ABCB1: variants seen among roughly 807,000 people sequenced by gnomAD.
ABCB1 encodes the protein ATP binding cassette subfamily B member 1.
In ABCB1, 69 loss-of-function variants were observed where a neutral mutation model predicts 142.0. That is an observed-to-expected ratio of 0.49 (90% CI 0.40 to 0.59). ABCB1 has a LOEUF of 0.59. ABCB1 is among the 20% of genes least tolerant of loss of function. ABCB1 has a pLI of 0.00. For synonymous variants in ABCB1, 532 were observed against 539.2 expected, an observed-to-expected ratio of 0.99 and a Z score of 0.18; for missense variants, 1,326 against 1,554.7, an observed-to-expected ratio of 0.85 and a Z score of 2.47.
intron 1 of ABCB1, among the ~76,000 whole-genome samples, chr7:87,655,635 A>T: frequency 6.6e-6 from 1 of 152,154 alleles, no homozygotes; most frequent in East Asian, 1.9e-4. Flanking sequence ...AGTTCAAGAG[A>T]TCTATTGTAC....
Position 87,620,099 on chromosome 7 carries a change from A to G in ABCB1, c.-330-19021T>C, listed in dbSNP as rs566821581. On this transcript the variant is annotated intron_variant, in intron 1 of 28. Transcript: ENST00000265724. The stretch of plus-strand genomic sequence containing the variant: ...AAATCAAAACAAGATTTTTCTTGAC[A>G]TCATAGCTGAAAATCCTGTTTAGAC... Among the ~76,000 whole-genome samples, 6 of 152,282 alleles carry G rather than the reference A, an allele frequency of 3.9e-5. No individual in the cohort carries two copies. The South Asian group carries it at 8.3e-4, about 21-fold the overall frequency.
At chr7:87,707,971 G>T (rs908484809) in intron 1 of ABCB1, among the ~76,000 whole-genome samples, 7 of 151,952 alleles carry the variant, frequency 4.6e-5, no homozygotes, top group Non-Finnish European at 8.8e-5. Flanking sequence ...AAAAATATTT[G>T]GAAAGTACTG....
intron 1 of ABCB1, among the ~76,000 whole-genome samples, chr7:87,637,092 A>G (rs374240210): frequency 3.9e-5 from 6 of 152,176 alleles, no homozygotes; most frequent in East Asian, 1.9e-4. Flanking sequence ...CCATGATTCA[A>G]TTACCTCCCA....
Position 87,566,127 on chromosome 7 carries a change from G to A in ABCB1, c.645C>T (p.Thr215=). The A allele has an allele frequency of 6.2e-7, 1 of 1,614,092 alleles. No individual in the cohort carries two copies. Among genetic ancestry groups the A allele is most frequent in the East Asian group, 2.2e-5 (1 of 44,870 alleles). Reference sequence around the variant, plus strand: ...CAGGACTGATGGCCAAAATCACAAGGGTTAGCTTCCAACCACGTGTAAATC... The same window carrying A: ...CAGGACTGATGGCCAAAATCACAAGAGTTAGCTTCCAACCACGTGTAAATC... ...IVGFTRGWKL[T]LVILAISPVL... Residue 215 remains threonine (T), a synonymous_variant, in exon 7 of 28, where the codon ACC becomes ACT. Transcript: ENST00000622132.
At chr7:87,621,296 C>G (rs1447939038) in intron 1 of ABCB1, among the ~76,000 whole-genome samples, 1 of 152,040 alleles carries the variant, frequency 6.6e-6, no homozygotes, top group Non-Finnish European at 1.5e-5. Flanking sequence ...TTTGGTACCA[C>G]TAGCTCATAA....
chr7:87,628,580 CGTGCGTGTGTGTGTGT>C, intron 1 of ABCB1: 7 of 292,798 alleles, frequency 2.4e-5, no homozygotes, highest in Non-Finnish European at 4.0e-5. Context: ...GTGGTGCGTG[CGTGCGTGTGTGTGTGT>C]GTGTGTGTGT....
intron 1 of ABCB1, among the ~76,000 whole-genome samples, chr7:87,646,267 G>A (rs575376508): frequency 6.6e-6 from 1 of 152,174 alleles, no homozygotes; most frequent in African/African-American, 2.4e-5. Flanking sequence ...GAAAATATAT[G>A]CACTAATAGC....
chr7:87,709,564 AG>A, intron 1 of ABCB1: 1 of 965,966 alleles, frequency 1.0e-6, no homozygotes. Flanking sequence ...TCTTCCCAGT[AG>A]TACTGCTGCT....
chr7:87,519,083 C>T, intron 23 of ABCB1: 1 of 558,452 alleles, frequency 1.8e-6, no homozygotes, highest in Admixed American at 3.1e-5. Flanking sequence ...TCACTCCACT[C>T]AGTCACAGAT....
intron 4 of ABCB1, among the ~76,000 whole-genome samples, chr7:87,584,685 T>A (rs989219681): frequency 2.0e-5 from 3 of 152,170 alleles, no homozygotes; most frequent in Non-Finnish European, 4.4e-5. Context: ...TGCTTCCTAC[T>A]TCACTGAGAA....
intron 1 of ABCB1, among the ~76,000 whole-genome samples, chr7:87,629,834 G>A (rs1193036610): frequency 6.6e-6 from 1 of 151,538 alleles, no homozygotes; most frequent in Non-Finnish European, 1.5e-5. Context: ...GGTGAGGCAG[G>A]AGAATCGATT....
chr7:87,540,698 C>A (rs1038787509), intron 18 of ABCB1, among the ~76,000 whole-genome samples: 1 of 152,196 alleles, frequency 6.6e-6, no homozygotes, highest in Non-Finnish European at 1.5e-5. Flanking sequence ...GATCCACTCA[C>A]CTCGGCCTCC....
At chr7:87,648,866 G>C (rs1230214971) in intron 1 of ABCB1, among the ~76,000 whole-genome samples, 1 of 151,874 alleles carries the variant, frequency 6.6e-6, no homozygotes, top group Non-Finnish European at 1.5e-5. Context: ...AGTGAGGACT[G>C]CCTATATTTA....
At chr7:87,607,565 T>G (rs1819698748) in intron 1 of ABCB1, among the ~76,000 whole-genome samples, 1 of 152,066 alleles carries the variant, frequency 6.6e-6, no homozygotes, top group South Asian at 2.1e-4. Context: ...AATTTGTGTG[T>G]GTGTGAGACA....
intron 4 of ABCB1, among the ~76,000 whole-genome samples, chr7:87,580,763 G>A (rs967644232): frequency 6.6e-6 from 1 of 151,934 alleles, no homozygotes; most frequent in African/African-American, 2.4e-5. Context: ...TCCTCTGAGT[G>A]TGTGTATTTC....
chr7:87,567,821 G>T (rs28381845), intron 5 of ABCB1, among the ~76,000 whole-genome samples: 1 of 152,140 alleles, frequency 6.6e-6, no homozygotes, highest in Non-Finnish European at 1.5e-5. Flanking sequence ...CAGGCCAGGC[G>T]TGGTGGCTCA....
At position 87,549,961 on chromosome 7, in the gene ABCB1, T is replaced by G; in HGVS notation, c.1444A>C (p.Thr482Pro). ...TAGCGAATGTTTTCAGCTATCGTGG[T>G]GGCAAACAATACAGGTTCCTGACTC... The part of the protein sequence containing the change: ...VVSQEPVLFA[T>P]TIAENIRYGR... The change falls in exon 13 of 28, where the codon ACC becomes CCC. Residue 482 changes from threonine to proline, a missense_variant. By Grantham distance (38) the Thr-to-Pro change is conservative (BLOSUM62 -1). Coordinates refer to ENST00000622132, the MANE Select transcript of ABCB1 (RefSeq NM_001348946.2). 6.2e-7 allele frequency: 1 copy of G among 1,614,232 alleles called. No homozygotes were observed. The highest frequency in any genetic ancestry group is 2.2e-5 in the East Asian group (1 of 44,886).
chr7:87,711,812 T>C (rs1378505499), intron 1 of ABCB1, among the ~76,000 whole-genome samples: 2 of 152,322 alleles, frequency 1.3e-5, no homozygotes, highest in East Asian at 3.9e-4. Context: ...CAGAAGGTTC[T>C]ATTGGTCGGA....
At chr7:87,530,117 T>C (rs763473295) in intron 21 of ABCB1, among the ~76,000 whole-genome samples, 6 of 152,228 alleles carry the variant, frequency 3.9e-5, no homozygotes, top group Non-Finnish European at 8.8e-5. Context: ...TGGGGCCTTC[T>C]TCATCATTCA....
Sources: gnomAD v4.1 joint callset for allele counts (sites outside exome capture counted in the v4.1 genomes callset) on GRCh38, gnomAD v4.1.1 for gene constraint, MANE v1.5 for transcripts, NCBI Gene and HGNC (gene_info 2026-07-23, HGNC 2026-07-21) for gene names.